Variants in FAR1 observed in about 807,000 individuals in gnomAD.
FAR1 encodes the protein fatty acyl-CoA reductase 1.
Under a neutral mutation model 61.1 loss-of-function variants are expected in FAR1, and 22 were observed. The observed-to-expected ratio is 0.36, with a 90% CI of 0.26 to 0.51. FAR1 has a LOEUF of 0.51. Ranked by LOEUF, FAR1 falls within the 20% of genes least tolerant of loss-of-function variation. FAR1 has a pLI of 0.95. For missense variants in FAR1, 359 were observed against 626.9 expected (o/e 0.57, Z 4.56); for synonymous variants, 206 against 209.7 (o/e 0.98, Z 0.15).
chr11:13,708,416 C>A (rs1310855458), intron 4 of FAR1, among the ~76,000 whole-genome samples: 3 of 148,224 alleles, frequency 2.0e-5, no homozygotes, highest in Non-Finnish European at 4.5e-5. Context: ...CTTCTCCTCA[C>A]CCCACCCCAT....
chr11:13,698,845 A>G (rs74815064), intron 2 of FAR1, among the ~76,000 whole-genome samples: 3,771 of 151,944 alleles, frequency 0.025, 142 homozygotes, highest in African/African-American at 0.087. Flanking sequence ...AAAAAAAAAA[A>G]TCTTTATCAG....
Position 13,720,754 on chromosome 11 carries a change from T to C in FAR1, c.1128-976T>C, listed in dbSNP as rs573028758. ...AACTACATGATACATATAATCCTAA[T>C]CGTTATTATAATATAAATGAAATCT... On this transcript the variant is annotated intron_variant, in intron 9 of 11. Coordinates refer to ENST00000354817, the MANE Select transcript of FAR1 (RefSeq NM_032228.6). The C allele has an allele frequency of 2.6e-5, 4 of 152,212 alleles. No homozygotes were observed. The East Asian group carries it at 7.7e-4, about 29-fold the overall frequency. The allele number at this position is 152,212 out of a possible 1,614,324, so 9.4% of individuals were successfully genotyped here.
intron 11 of FAR1, 27 bp downstream of exon 11, chr11:13,727,710 C>G (rs1206526766): frequency 6.4e-7 from 1 of 1,564,934 alleles, no homozygotes; most frequent in Non-Finnish European, 8.6e-7. Flanking sequence ...GATTTGATTG[C>G]TTCTTGTCTT....
At chr11:13,702,924 A>G (rs553004897) in intron 3 of FAR1, among the ~76,000 whole-genome samples, 1 of 152,302 alleles carries the variant, frequency 6.6e-6, no homozygotes, top group South Asian at 2.1e-4. Context: ...TCTTCTCGTT[A>G]TTATTTTCTT....
In FAR1 at chr11:13,728,868, A is replaced by G. The variant is rs1322592088; in HGVS notation, c.*94A>G. 1.7e-6 allele frequency: 2 copies of G among 1,172,444 alleles called. No individual in the cohort carries two copies. Among genetic ancestry groups the G allele is most frequent in the African/African-American group, 3.1e-5 (2 of 65,478 alleles). 72.6% of individuals were successfully genotyped at this position (1,172,444 alleles called of 1,614,324 possible). On this transcript the variant is annotated 3_prime_UTR_variant, in exon 12 of 12. Transcript: ENST00000354817. The stretch of plus-strand genomic sequence containing the variant: ...AAGTCATCTCACTTTTTGTCAAGAC[A>G]TTAAACCATCTTAGATCGGAGTGTG...
At chr11:13,705,831 C>G (rs1332937505) in intron 3 of FAR1, among the ~76,000 whole-genome samples, 1 of 152,044 alleles carries the variant, frequency 6.6e-6, no homozygotes, top group Non-Finnish European at 1.5e-5. Flanking sequence ...ACTCCTTGTT[C>G]CTGGTGACCC....
intron 3 of FAR1, among the ~76,000 whole-genome samples, chr11:13,705,503 CAG>C (rs1473614024): frequency 1.1e-4 from 16 of 152,182 alleles, no homozygotes; most frequent in Middle Eastern, 3.2e-3. Context: ...GGACATGTAA[CAG>C]AATATCCTTT....
At chr11:13,674,512 T>C (rs1404192950) in intron 1 of FAR1, among the ~76,000 whole-genome samples, 1 of 152,152 alleles carries the variant, frequency 6.6e-6, no homozygotes, top group Non-Finnish European at 1.5e-5. Flanking sequence ...GTTGTATGCC[T>C]TCTTTCTAAT....
intron 9 of FAR1, among the ~76,000 whole-genome samples, chr11:13,717,103 T>C (rs2134196015): frequency 6.6e-6 from 1 of 151,962 alleles, no homozygotes; most frequent in South Asian, 2.1e-4. Context: ...TCATATTTCT[T>C]CTACATGGAA....
At chr11:13,724,009 G>C (rs1322899227) in intron 10 of FAR1, among the ~76,000 whole-genome samples, 1 of 152,072 alleles carries the variant, frequency 6.6e-6, no homozygotes, top group Non-Finnish European at 1.5e-5. Flanking sequence ...TATTACTTGA[G>C]CTAGGTCTCA....
At chr11:13,687,561 G>A (rs1015029816) in intron 1 of FAR1, among the ~76,000 whole-genome samples, 3 of 152,168 alleles carry the variant, frequency 2.0e-5, no homozygotes, top group African/African-American at 7.2e-5. Context: ...ACTCTGGCAG[G>A]ACTGTGGAAG....
At chr11:13,707,512 A>AT (rs1050676583) in intron 3 of FAR1, among the ~76,000 whole-genome samples, 2 of 152,060 alleles carry the variant, frequency 1.3e-5, no homozygotes, top group African/African-American at 4.8e-5. Context: ...TAACCATTCT[A>AT]TTTTTTTCTC....
At chr11:13,680,049 A>G (rs1247123802) in intron 1 of FAR1, among the ~76,000 whole-genome samples, 2 of 152,252 alleles carry the variant, frequency 1.3e-5, no homozygotes, top group Non-Finnish European at 2.9e-5. Context: ...TACTTACCAC[A>G]GGGTTGGACA....
intron 4 of FAR1, among the ~76,000 whole-genome samples, chr11:13,709,785 ATC>A (rs748676934): frequency 5.3e-5 from 8 of 152,082 alleles, no homozygotes; most frequent in African/African-American, 9.7e-5. Flanking sequence ...TATCTTGATA[ATC>A]TCTGTTTTAT....
intron 3 of FAR1, among the ~76,000 whole-genome samples, chr11:13,707,604 T>C (rs969294444): frequency 3.9e-5 from 6 of 152,334 alleles, no homozygotes; most frequent in Non-Finnish European, 7.4e-5. Context: ...TAAAAATGTA[T>C]GCATAAAAGC....
At chr11:13,712,657 G>C (rs1427782593) in intron 7 of FAR1, among the ~76,000 whole-genome samples, 1 of 151,926 alleles carries the variant, frequency 6.6e-6, no homozygotes, top group African/African-American at 2.4e-5. Context: ...AATGAGACAA[G>C]AAGAGCTGAG....
Position 13,694,963 on chromosome 11 carries a change from G to A in FAR1, c.189+9G>A. 2 of 1,596,228 alleles carry A rather than the reference G, an allele frequency of 1.3e-6. No homozygotes were observed. Among genetic ancestry groups the A allele is most frequent in the Non-Finnish European group, 1.7e-6 (2 of 1,170,624 alleles). On this transcript the variant is annotated intron_variant, in intron 2 of 11. Coordinates refer to ENST00000354817, the MANE Select transcript of FAR1 (RefSeq NM_032228.6). ...AAGTCCTTAGTGGCAAGGTAAGTAT[G>A]GAAAATGAGCACTCAGAACAAAGAA... is the stretch of plus-strand genomic sequence containing the variant.
At chr11:13,690,184 T>C (rs1282021120) in intron 1 of FAR1, among the ~76,000 whole-genome samples, 1 of 152,128 alleles carries the variant, frequency 6.6e-6, no homozygotes, top group African/African-American at 2.4e-5. Context: ...GCCCAATCCT[T>C]TTTTGTAATG....
At chr11:13,718,004 T>C (rs1848573219) in intron 9 of FAR1, among the ~76,000 whole-genome samples, 1 of 152,192 alleles carries the variant, frequency 6.6e-6, no homozygotes, top group Non-Finnish European at 1.5e-5. Context: ...GCCATACCCA[T>C]AAGTTTCTTT....
Sources: gnomAD v4.1 joint callset for allele counts (sites outside exome capture counted in the v4.1 genomes callset) on GRCh38, gnomAD v4.1.1 for gene constraint, MANE v1.5 for transcripts, NCBI Gene and HGNC (gene_info 2026-07-23, HGNC 2026-07-21) for gene names.